The following TMPRSS13 variants were observed in gnomAD, a reference collection of about 807,000 sequenced individuals.
TMPRSS13 encodes the protein transmembrane serine protease 13, also known as transmembrane protease serine 13.
A neutral mutation model predicts 68.4 loss-of-function variants in TMPRSS13; 50 were observed. The observed-to-expected ratio is 0.73, with a 90% confidence interval of 0.58 to 0.93. TMPRSS13 has a LOEUF of 0.93. Ranked by LOEUF, TMPRSS13 falls within the 40% of genes least tolerant of loss-of-function variation. The pLI, the probability that TMPRSS13 is intolerant of heterozygous loss-of-function variation, is 0.00. For synonymous variants in TMPRSS13, 267 were observed against 285.8 expected, an observed-to-expected ratio of 0.93 and a Z score of 0.66; for missense variants, 615 against 729.2, an observed-to-expected ratio of 0.84 and a Z score of 1.80.
Position 117,901,140 on chromosome 11 carries a change from G to A in TMPRSS13, c.*1099C>T, listed in dbSNP as rs755870362. 3.3e-5 allele frequency: 5 copies of A among 152,358 alleles called. No individual in the cohort carries two copies. The highest frequency in any genetic ancestry group is 1.3e-4 in the Admixed American group (2 of 15,290). The allele number at this position is 152,358 out of a possible 1,614,324, so 9.4% of individuals were successfully genotyped here. On this transcript the variant is annotated 3_prime_UTR_variant, in exon 13 of 13. Transcript: ENST00000524993. ...ACTGAGAAACTGAAAGGTGGAGAAA[G>A]CTGAGAAGAAATCCCAAAGTCCCAG...
chr11:117,906,828 A>G (rs2134879999), intron 9 of TMPRSS13, among the ~76,000 whole-genome samples: 1 of 152,334 alleles, frequency 6.6e-6, no homozygotes, highest in South Asian at 2.1e-4. Context: ...AATTAAATTT[A>G]CCAGTGAACT....
chr11:117,918,767 T>C lies in TMPRSS13; in HGVS notation c.93A>G (p.Pro31=), dbSNP rs368879364. The change falls in exon 2 of 13, where the codon CCA becomes CCG. Residue 31 remains proline, a synonymous_variant. Coordinates refer to ENST00000524993, the MANE Select transcript of TMPRSS13 (RefSeq NM_001077263.3). The part of the protein sequence containing the change: ...PAQASPAGTP[P]GRASPAQASP... ...ATGCCTGGGCTGGAGATGCCCGGCC[T>C]GGAGGTGTCCCAGCTGGAGATGCCT... The C allele has an allele frequency of 3.7e-5, 59 of 1,610,434 alleles. No individual in the cohort carries two copies. Among genetic ancestry groups the C allele is most frequent in the African/African-American group, 2.7e-5 (2 of 72,948 alleles).
chr11:117,926,915 G>A (rs1419926198), intron 1 of TMPRSS13, among the ~76,000 whole-genome samples: 2 of 152,144 alleles, frequency 1.3e-5, no homozygotes, highest in African/African-American at 2.4e-5. Context: ...TATTCTAAAT[G>A]AGCCTTACTA....
chr11:117,904,233 G>A, intron 10 of TMPRSS13, 132 bp from the exon 11 acceptor site: 1 of 1,273,678 alleles, frequency 7.9e-7, no homozygotes, highest in East Asian at 2.5e-5. Context: ...CCATGCCCGT[G>A]CCTGGCTCCC....
At chr11:117,908,831 T>G (rs1048178372) in intron 8 of TMPRSS13, 47 bp from the exon 9 acceptor site, 4 of 1,519,704 alleles carry the variant, frequency 2.6e-6, no homozygotes, top group Non-Finnish European at 3.5e-6. Flanking sequence ...CCTGGCAGCG[T>G]TCACTGGCAG....
rs1165409562 is a variant in TMPRSS13, at chr11:117,914,230, C to T, written c.679+162G>A. On this transcript the variant is annotated intron_variant, in intron 4 of 12. Coordinates refer to ENST00000524993, the MANE Select transcript of TMPRSS13 (RefSeq NM_001077263.3). This position sits in a 1 kb window ranked among gnomAD's most constrained non-coding sequence, Gnocchi z 4.2. ...ACATGCACACATGCACACACACATA[C>T]GTGCACACACACATACATGCATACA... Among the ~76,000 whole-genome samples the T allele has an allele frequency of 2.6e-5, 4 of 152,056 alleles. No homozygotes were observed. The highest frequency in any genetic ancestry group is 6.6e-5 in the Admixed American group (1 of 15,252).
intron 10 of TMPRSS13, among the ~76,000 whole-genome samples, chr11:117,904,561 G>C (rs1312464038): frequency 6.6e-6 from 1 of 152,106 alleles, no homozygotes; most frequent in Non-Finnish European, 1.5e-5. Context: ...GAGACAAGAG[G>C]AGAAGTAGGC....
Position 117,909,884 on chromosome 11 carries a change from T to C in TMPRSS13, c.1031A>G (p.His344Arg), listed in dbSNP as rs2057503637. Residue 344 changes from histidine to arginine, a missense_variant, in exon 8 of 13, where the codon CAC (histidine) becomes CGC (arginine). By Grantham distance (29) the His-to-Arg change is conservative. Coordinates refer to ENST00000524993, the MANE Select transcript of TMPRSS13 (RefSeq NM_001077263.3). ...DSKWPWQVSL[H>R]FGTTHICGGT... Reference sequence around the variant, plus strand: ...TCCACAGATGTGGGTGGTGCCGAAGTGCAGACTCACTTGCCAAGGCCACTT... The same window carrying C: ...TCCACAGATGTGGGTGGTGCCGAAGCGCAGACTCACTTGCCAAGGCCACTT... The C allele has an allele frequency of 6.2e-7, 1 of 1,614,000 alleles. No homozygotes were observed. Among genetic ancestry groups the C allele is most frequent in the South Asian group, 1.1e-5 (1 of 91,088 alleles).
At chr11:117,929,165 G>A in intron 1 of TMPRSS13, 122 bp downstream of exon 1, 1 of 721,562 alleles carries the variant, frequency 1.4e-6, no homozygotes, top group Non-Finnish European at 2.1e-6. Context: ...CAAACTAGAA[G>A]AGGCACAGCC....
Position 117,904,364 on chromosome 11 carries a change from C to T in TMPRSS13, c.1382-263G>A, listed in dbSNP as rs539377374. On this transcript the variant is annotated intron_variant, in intron 10 of 12. Transcript: ENST00000524993. Reference sequence around the variant, plus strand: ...CCATGCACACAGACACACTCACAAGCCTATCAGGCTACCCGACATGTTGCA... The same window carrying T: ...CCATGCACACAGACACACTCACAAGTCTATCAGGCTACCCGACATGTTGCA... Among the ~76,000 whole-genome samples the T allele has an allele frequency of 5.9e-5, 9 of 152,330 alleles. No homozygotes were observed. In the East Asian group the frequency reaches 1.5e-3, roughly 26 times the overall value.
At chr11:117,917,041 CCT>C in intron 3 of TMPRSS13, 127 bp downstream of exon 3, 1 of 769,902 alleles carries the variant, frequency 1.3e-6, no homozygotes. Context: ...CAGGAGTGTC[CCT>C]CTCTGGACAC....
rs1172063068 is a variant in TMPRSS13, at chr11:117,903,982, G to A, written c.1501C>T (p.Arg501Cys). 3.1e-6 allele frequency: 5 copies of A among 1,612,604 alleles called. No homozygotes were observed. The highest frequency in any genetic ancestry group is 2.2e-5 in the East Asian group (1 of 44,846). The change falls in exon 11 of 13, where the codon CGT becomes TGT. Residue 501 changes from arginine (R) to cysteine (C), a missense_variant. By Grantham distance (180) the Arg-to-Cys change is radical. Coordinates refer to ENST00000524993, the MANE Select transcript of TMPRSS13 (RefSeq NM_001077263.3). ...TPRMMCAGDL[R>C]GGRDSCQGDS... ...ACCTGGCAGGAGTCTCTGCCCCCAC[G>A]AAGGTCCCCAGCACACATCATCCTT...
chr11:117,913,997 G>A (rs1041362953), intron 4 of TMPRSS13, 91 bp from the exon 5 acceptor site: 15 of 1,481,490 alleles, frequency 1.0e-5, no homozygotes, highest in South Asian at 2.5e-5. Flanking sequence ...TTGAGAAAGC[G>A]CTTGTCCTGA....
intron 1 of TMPRSS13, among the ~76,000 whole-genome samples, chr11:117,920,549 G>A (rs772649036): frequency 6.6e-6 from 1 of 152,250 alleles, no homozygotes; most frequent in Non-Finnish European, 1.5e-5. Flanking sequence ...CTGGAGTGCA[G>A]TGCCGCGATC....
intron 1 of TMPRSS13, among the ~76,000 whole-genome samples, chr11:117,925,715 C>T (rs2057698611): frequency 6.6e-6 from 1 of 152,234 alleles, no homozygotes; most frequent in Non-Finnish European, 1.5e-5. Context: ...CACCAGTGCC[C>T]TGCCCACTTG....
chr11:117,920,489 C>A (rs2057632941), intron 1 of TMPRSS13, among the ~76,000 whole-genome samples: 2 of 152,014 alleles, frequency 1.3e-5, no homozygotes, highest in South Asian at 4.2e-4. Flanking sequence ...CAGGTGTGCA[C>A]CACCGTGCCT....
intron 1 of TMPRSS13, 124 bp downstream of exon 1, chr11:117,929,160 TAGA>T: frequency 1.4e-6 from 1 of 699,076 alleles, no homozygotes; most frequent in Non-Finnish European, 2.2e-6. Flanking sequence ...AGCTTCAAAC[TAGA>T]AGAGGCACAG....
At chr11:117,910,362 G>A (rs2057510009) in intron 7 of TMPRSS13, among the ~76,000 whole-genome samples, 2 of 152,202 alleles carry the variant, frequency 1.3e-5, no homozygotes, top group Admixed American at 1.3e-4. Context: ...CAGGAATGCA[G>A]ACCAGTTCTA....
intron 12 of TMPRSS13, among the ~76,000 whole-genome samples, chr11:117,902,824 T>C (rs2057421351): frequency 6.6e-6 from 1 of 152,214 alleles, no homozygotes; most frequent in African/African-American, 2.4e-5. Context: ...TTCCAGGCAT[T>C]GTAAATGGCT....
Sources: allele counts gnomAD v4.1 joint callset (sites outside exome capture counted in the v4.1 genomes callset), GRCh38; gene constraint gnomAD v4.1.1; non-coding constraint Gnocchi (gnomAD v3.1); transcripts MANE v1.5; gene names NCBI Gene and HGNC (gene_info 2026-07-23, HGNC 2026-07-21).